Variants in SHC3 observed in about 807,000 individuals in gnomAD.
SHC3 encodes SHC adaptor protein 3, also known as SHC-transforming protein 3.
SHC3 carries 15 observed loss-of-function variants against 60.4 expected under a neutral mutation model. The observed-to-expected ratio is 0.25, with a 90% CI of 0.17 to 0.38. The LOEUF is 0.38. SHC3 is among the 10% of genes least tolerant of loss of function. The probability of loss-of-function intolerance (pLI) is 1.00; values close to 1 mark genes in which losing one functional copy is unlikely to be tolerated. For missense variants in SHC3, 677 were observed against 786.1 expected (o/e 0.86, Z 1.66); for synonymous variants, 294 against 325.9 (o/e 0.90, Z 1.05).
At chr9:89,113,496 G>T (rs1372172829) in intron 1 of SHC3, among the ~76,000 whole-genome samples, 1 of 151,762 alleles carries the variant, frequency 6.6e-6, no homozygotes, top group East Asian at 1.9e-4. Context: ...TCTCAAAAAA[G>T]AAAAAAAGAA....
At position 89,136,668 on chromosome 9, in the gene SHC3, G is replaced by A. The variant is rs1011175660; in HGVS notation, c.475-24042C>T. Among the ~76,000 whole-genome samples the A allele has an allele frequency of 1.1e-4, 17 of 152,178 alleles. No homozygotes were observed. The East Asian group carries it at 1.3e-3, about 12-fold the overall frequency. On this transcript the variant is annotated intron_variant, in intron 1 of 11. Transcript: ENST00000375835. ...AAATGGGCAACCAGCAGCCGTTGGC[G>A]CTGCTCTGCCTACGGAGTAGCCATT...
intron 1 of SHC3, among the ~76,000 whole-genome samples, chr9:89,157,778 G>C (rs991025885): frequency 2.6e-5 from 4 of 151,938 alleles, no homozygotes; most frequent in Non-Finnish European, 5.9e-5. Context: ...CACCACGCCA[G>C]GCTAATTTAA....
In SHC3 at chr9:89,039,127, C is replaced by T. The variant is rs376148195; in HGVS notation, c.1361-839G>A. ...AGTGCTATGCAAGTGGAAGGTAGTG[C>T]GATGGTTATTTCAGACTACGCTGTC... is the stretch of plus-strand genomic sequence containing the variant. On this transcript the variant is annotated intron_variant, in intron 10 of 11. Coordinates refer to ENST00000375835, the MANE Select transcript of SHC3 (RefSeq NM_016848.6). Among the ~76,000 whole-genome samples the T allele has an allele frequency of 5.9e-5, 9 of 152,330 alleles. No individual in the cohort carries two copies. The South Asian group carries it at 6.2e-4, about 11-fold the overall frequency.
At chr9:89,052,438 T>C (rs1308057738) in intron 6 of SHC3, among the ~76,000 whole-genome samples, 1 of 152,258 alleles carries the variant, frequency 6.6e-6, no homozygotes, top group East Asian at 1.9e-4. Flanking sequence ...CAATTTGATG[T>C]TCTTCAATTT....
chr9:89,155,290 G>A (rs1356287481), intron 1 of SHC3, among the ~76,000 whole-genome samples: 4 of 152,106 alleles, frequency 2.6e-5, no homozygotes, highest in Admixed American at 6.6e-5. Context: ...CATTCTACCC[G>A]ATGCCACACG....
At chr9:89,177,197 TCATAACATGCTTG>T (rs759784836) in intron 1 of SHC3, among the ~76,000 whole-genome samples, 25 of 152,204 alleles carry the variant, frequency 1.6e-4, no homozygotes, top group Non-Finnish European at 2.8e-4. Flanking sequence ...TCCTTAAATA[TCATAACATGCTTG>T]CATAAGGGTG....
intron 6 of SHC3, among the ~76,000 whole-genome samples, chr9:89,058,922 G>A (rs1197571757): frequency 6.6e-6 from 1 of 150,924 alleles, no homozygotes; most frequent in African/African-American, 2.4e-5. Flanking sequence ...GGAGGATGGT[G>A]GTGTTAGGAC....
intron 11 of SHC3, among the ~76,000 whole-genome samples, chr9:89,014,659 G>C (rs1826066124): frequency 6.6e-6 from 1 of 152,112 alleles, no homozygotes; most frequent in Non-Finnish European, 1.5e-5. Context: ...CTGAGGCAAT[G>C]TTCATTCTCC....
intron 11 of SHC3, among the ~76,000 whole-genome samples, chr9:89,030,425 G>A (rs1258125578): frequency 6.6e-6 from 1 of 152,154 alleles, no homozygotes; most frequent in Non-Finnish European, 1.5e-5. Flanking sequence ...CTTTATACAT[G>A]CTAACCTATT....
chr9:89,080,377 C>T (rs1307205656), intron 2 of SHC3, among the ~76,000 whole-genome samples: 3 of 152,146 alleles, frequency 2.0e-5, no homozygotes, highest in African/African-American at 4.8e-5. Context: ...CTGAAAGTCT[C>T]GGAAGCCAGC....
chr9:89,078,608 TG>T (rs776988180), intron 2 of SHC3, among the ~76,000 whole-genome samples: 30 of 151,920 alleles, frequency 2.0e-4, no homozygotes, highest in Non-Finnish European at 4.1e-4. Context: ...TGGTTCTGCA[TG>T]GGGCAGGAGG....
At chr9:89,036,144 G>GA (rs1824575091) in intron 11 of SHC3, among the ~76,000 whole-genome samples, 1 of 151,918 alleles carries the variant, frequency 6.6e-6, no homozygotes, top group Admixed American at 6.6e-5. Flanking sequence ...TCAGATAGAT[G>GA]AAAAAAGCAA....
At chr9:89,090,281 A>G (rs1825601569) in intron 2 of SHC3, among the ~76,000 whole-genome samples, 1 of 152,236 alleles carries the variant, frequency 6.6e-6, no homozygotes, top group Non-Finnish European at 1.5e-5. Flanking sequence ...ACATGAGAAC[A>G]TGAGACTAGA....
intron 1 of SHC3, among the ~76,000 whole-genome samples, chr9:89,172,600 C>G (rs368392518): frequency 3.3e-5 from 5 of 151,932 alleles, no homozygotes; most frequent in African/African-American, 9.7e-5. Context: ...CAGACACACA[C>G]ACACACGATG....
chr9:89,089,174 G>C (rs1030252354), intron 2 of SHC3, among the ~76,000 whole-genome samples: 3 of 152,180 alleles, frequency 2.0e-5, no homozygotes, highest in Admixed American at 6.5e-5. Flanking sequence ...CCAGAAGCTG[G>C]CTGTCCCATC....
At chr9:89,169,267 T>C (rs937465499) in intron 1 of SHC3, among the ~76,000 whole-genome samples, 13 of 152,106 alleles carry the variant, frequency 8.5e-5, no homozygotes, top group African/African-American at 3.1e-4. Flanking sequence ...ACCTGAGGAC[T>C]AGGAGGCCTG....
At chr9:89,021,947 T>C (rs1826208662) in intron 11 of SHC3, among the ~76,000 whole-genome samples, 1 of 152,170 alleles carries the variant, frequency 6.6e-6, no homozygotes, top group Non-Finnish European at 1.5e-5. Flanking sequence ...GGGGTGGTCT[T>C]TCCCACTCAG....
chr9:89,019,064 A>G (rs546897355), intron 11 of SHC3, among the ~76,000 whole-genome samples: 10 of 147,672 alleles, frequency 6.8e-5, no homozygotes, highest in Admixed American at 1.4e-4. Flanking sequence ...GTCTCAGAGA[A>G]AAAAAAAAAA....
At chr9:89,128,794 G>A (rs1489868395) in intron 1 of SHC3, among the ~76,000 whole-genome samples, 1 of 152,144 alleles carries the variant, frequency 6.6e-6, no homozygotes, top group Admixed American at 6.5e-5. Context: ...TACAAAGATT[G>A]GGAGAAACCA....
Sources: gnomAD v4.1 joint callset for allele counts (sites outside exome capture counted in the v4.1 genomes callset) on GRCh38, gnomAD v4.1.1 for gene constraint, MANE v1.5 for transcripts, NCBI Gene and HGNC (gene_info 2026-07-23, HGNC 2026-07-21) for gene names.